Variants in CARM1 observed in about 807,000 individuals in gnomAD.
The protein encoded by CARM1 is histone-arginine methyltransferase CARM1.
Under a neutral mutation model 72.7 loss-of-function variants are expected in CARM1, and 14 were observed. That is an observed-to-expected ratio of 0.19 (90% CI 0.13 to 0.30). The LOEUF (loss-of-function observed/expected upper bound fraction) is 0.30. Ranked by LOEUF, CARM1 falls within the 10% of genes least tolerant of loss-of-function variation. The pLI is 1.00. For missense variants in CARM1, 432 were observed against 833.7 expected, an observed-to-expected ratio of 0.52 and a Z score of 5.93; for synonymous variants, 333 against 345.5, an observed-to-expected ratio of 0.96 and a Z score of 0.40.
chr19:10,902,290 C>CTTTTTT (rs869120010), intron 1 of CARM1, among the ~76,000 whole-genome samples: 2 of 114,782 alleles, frequency 1.7e-5, no homozygotes, highest in Non-Finnish European at 3.5e-5. Flanking sequence ...ATTGTTGTTT[C>CTTTTTT]TTTTTTTTTT....
At chr19:10,876,280 C>A (rs1025114141) in intron 1 of CARM1, among the ~76,000 whole-genome samples, 1 of 152,224 alleles carries the variant, frequency 6.6e-6, no homozygotes, top group Non-Finnish European at 1.5e-5. Context: ...CCTGCCTTGG[C>A]CTCCCAAAGT....
In CARM1 at chr19:10,920,656, C is replaced by A; in HGVS notation, c.1335-3C>A. 6.2e-7 allele frequency: 1 copy of A among 1,614,142 alleles called. No individual in the cohort carries two copies. Among genetic ancestry groups the A allele is most frequent in the Non-Finnish European group, 8.5e-7 (1 of 1,179,990 alleles). On this transcript the variant is annotated splice_region_variant and splice_polypyrimidine_tract_variant and intron_variant, in intron 11 of 15. Transcript: ENST00000327064. The surrounding 1 kb of genome is among the most constrained non-coding windows in gnomAD (Gnocchi z 5.3). ...CATGCCACGGCCTGCACCCTGTCCG[C>A]AGACAGAGCTACGACATCAGTATTG...
At position 10,916,994 on chromosome 19, in the gene CARM1, A is replaced by AG. The variant is rs1197429896; in HGVS notation, c.1020+222dup. Among the ~76,000 whole-genome samples, 2 of 152,184 alleles carry AG rather than the reference A, an allele frequency of 1.3e-5. No individual in the cohort carries two copies. Among genetic ancestry groups the AG allele is most frequent in the African/African-American group, 4.8e-5 (2 of 41,440 alleles). Reference sequence around the variant, plus strand: ...ACATTATTAGGTGAGGCTAAGGCAGAGGGGGCATTTAGGCTCAGGAGTTCA... The same window carrying AG: ...ACATTATTAGGTGAGGCTAAGGCAGAGGGGGGCATTTAGGCTCAGGAGTTCA... On this transcript the variant is annotated intron_variant, in intron 8 of 15. Transcript: ENST00000327064. The surrounding 1 kb of genome is among the most constrained non-coding windows in gnomAD (Gnocchi z 4.4).
chr19:10,883,703 G>A (rs1449693327), intron 1 of CARM1, among the ~76,000 whole-genome samples: 2 of 152,150 alleles, frequency 1.3e-5, no homozygotes, highest in Non-Finnish European at 2.9e-5. Context: ...ACAGGTATGC[G>A]CCACCACGGC....
chr19:10,876,020 C>T (rs1285810165), intron 1 of CARM1, among the ~76,000 whole-genome samples: 2 of 151,918 alleles, frequency 1.3e-5, no homozygotes, highest in Non-Finnish European at 2.9e-5. Context: ...GGATTAGAGG[C>T]ATGTGCCACC....
intron 5 of CARM1, among the ~76,000 whole-genome samples, chr19:10,913,493 GC>G: frequency 6.6e-6 from 1 of 151,924 alleles, no homozygotes; most frequent in African/African-American, 2.4e-5. Context: ...AGCCGAGATG[GC>G]GCCACTACCA....
At chr19:10,889,627 C>T (rs1340677191) in intron 1 of CARM1, among the ~76,000 whole-genome samples, 1 of 152,040 alleles carries the variant, frequency 6.6e-6, no homozygotes, top group Non-Finnish European at 1.5e-5. Flanking sequence ...CCATGCCTGG[C>T]CCAGAATTGT....
At chr19:10,903,943 A>G (rs1270989788) in intron 1 of CARM1, among the ~76,000 whole-genome samples, 1 of 151,846 alleles carries the variant, frequency 6.6e-6, no homozygotes, top group Non-Finnish European at 1.5e-5. Flanking sequence ...GGTTCAAGTG[A>G]TCCTCCTGCC....
At position 10,871,582 on chromosome 19, in the gene CARM1, T is replaced by TAGCGGCAGCGGCGGCGGCGGCGGCGGC. The variant is rs2073812808; in HGVS notation, c.-120_-94dup. The TAGCGGCAGCGGCGGCGGCGGCGGCGGC allele has an allele frequency of 1.1e-5, 1 of 88,366 alleles. No individual in the cohort carries two copies. The highest frequency in any genetic ancestry group is 4.7e-5 in the African/African-American group (1 of 21,214). 5.5% of individuals were successfully genotyped at this position (88,366 alleles called of 1,614,324 possible). On this transcript the variant is annotated 5_prime_UTR_variant, in exon 1 of 16. Coordinates refer to ENST00000327064, the MANE Select transcript of CARM1 (RefSeq NM_199141.2). This position sits in a 1 kb window ranked among gnomAD's most constrained non-coding sequence, Gnocchi z 5.6. Reference sequence around the variant, plus strand: ...GCCTGCACGGCGGCTGCGGCGGCGGTAGCGGCAGCGGCGGCGGCGGCGGCG... The same window carrying TAGCGGCAGCGGCGGCGGCGGCGGCGGC: ...GCCTGCACGGCGGCTGCGGCGGCGGTAGCGGCAGCGGCGGCGGCGGCGGCGGCAGCGGCAGCGGCGGCGGCGGCGGCG...
intron 3 of CARM1, 77 bp from the exon 4 acceptor site, chr19:10,909,026 C>A: frequency 8.9e-7 from 1 of 1,121,170 alleles, no homozygotes; most frequent in South Asian, 1.3e-5. Flanking sequence ...GCCCCTTGCT[C>A]TATCACAGGG....
intron 1 of CARM1, among the ~76,000 whole-genome samples, chr19:10,901,823 C>T (rs1029052069): frequency 1.3e-5 from 2 of 152,172 alleles, no homozygotes; most frequent in African/African-American, 2.4e-5. Context: ...TGTCTGTAAT[C>T]CCAGCTACTC....
At chr19:10,881,445 G>C (rs972810328) in intron 1 of CARM1, among the ~76,000 whole-genome samples, 10 of 152,296 alleles carry the variant, frequency 6.6e-5, no homozygotes, top group African/African-American at 2.2e-4. Context: ...GGCTCTCTGC[G>C]CAGGGCCAGG....
chr19:10,920,050 A>G lies in CARM1; in HGVS notation c.1196+84A>G. 4.8e-6 allele frequency: 5 copies of G among 1,049,594 alleles called. No homozygotes were observed. The highest frequency in any genetic ancestry group is 7.3e-6 in the Non-Finnish European group (5 of 683,458). 65.0% of individuals were successfully genotyped at this position (1,049,594 alleles called of 1,614,324 possible). ...TGCAACCTGGCTGGGGGGGTGGAACATGGCTCCAGGTTCCACCATCCCTTC... is the reference window on the plus strand; with the variant it reads ...TGCAACCTGGCTGGGGGGGTGGAACGTGGCTCCAGGTTCCACCATCCCTTC... On this transcript the variant is annotated intron_variant, in intron 10 of 15. Coordinates refer to ENST00000327064, the MANE Select transcript of CARM1 (RefSeq NM_199141.2). The surrounding 1 kb of genome is among the most constrained non-coding windows in gnomAD (Gnocchi z 5.3).
chr19:10,922,710 C>G lies in CARM1; in HGVS notation c.*953C>G, dbSNP rs996915413. 6.6e-6 allele frequency: 1 copy of G among 152,370 alleles called. No individual in the cohort carries two copies. The highest frequency in any genetic ancestry group is 2.4e-5 in the African/African-American group (1 of 41,406). The allele number at this position is 152,370 out of a possible 1,614,324, so 9.4% of individuals were successfully genotyped here. ...GCCCGGGAAGGGACCTTGCAGGGACCTCTCCCTCCAAAAAAAGAAAAAAAG... is the reference window on the plus strand; with the variant it reads ...GCCCGGGAAGGGACCTTGCAGGGACGTCTCCCTCCAAAAAAAGAAAAAAAG... On this transcript the variant is annotated 3_prime_UTR_variant, in exon 16 of 16. Transcript: ENST00000327064.
chr19:10,881,225 A>G (rs1210564842), intron 1 of CARM1, among the ~76,000 whole-genome samples: 25 of 152,218 alleles, frequency 1.6e-4, no homozygotes, highest in Non-Finnish European at 2.9e-5. Flanking sequence ...AAAGAAAAGA[A>G]AAGCTTTGCC....
At position 10,920,748 on chromosome 19, in the gene CARM1, G is replaced by T; in HGVS notation, c.1424G>T (p.Arg475Ile). 6.2e-7 allele frequency: 1 copy of T among 1,614,116 alleles called. No homozygotes were observed. Among genetic ancestry groups the T allele is most frequent in the Non-Finnish European group, 8.5e-7 (1 of 1,179,954 alleles). Reference protein sequence around the residue: ...NLLDLKNPFFRYTGTTPSPPP... With the variant: ...NLLDLKNPFFIYTGTTPSPPP... ...CTGGATCTGAAAAACCCCTTCTTTA[G>T]GTAGGAGGGGCCCCTTGCCTGCACA... Residue 475 changes from arginine (R) to isoleucine (I), a missense_variant and splice_region_variant, in exon 12 of 16, where the codon AGA becomes ATA. Arg to Ile is a moderately conservative substitution (Grantham distance 97). Around this residue, in one of 3 missense-constraint regions of CARM1, gnomAD observed 152 missense variants for 452.8 expected, o/e 0.34. Coordinates refer to ENST00000327064, the MANE Select transcript of CARM1 (RefSeq NM_199141.2). The surrounding 1 kb of genome is among the most constrained non-coding windows in gnomAD (Gnocchi z 5.3).
intron 1 of CARM1, among the ~76,000 whole-genome samples, chr19:10,903,967 G>C (rs1005626729): frequency 6.6e-6 from 1 of 152,188 alleles, no homozygotes; most frequent in African/African-American, 2.4e-5. Context: ...GCCTCCCAAA[G>C]TGCTGGGATT....
rs1390286680 is a variant in CARM1 at position 10,916,726 on chromosome 19, G to A, written c.969G>A (p.Leu323=). The change falls in exon 8 of 16, where the codon CTG becomes CTA. Residue 323 remains leucine (L), a synonymous_variant. Transcript: ENST00000327064. The surrounding 1 kb of genome is among the most constrained non-coding windows in gnomAD (Gnocchi z 4.4). ...AGCCATCTTTCCATGGAGTGGACCT[G>A]TCGGCCCTCCGAGGTGCCGCGGTGG... The part of the protein sequence containing the change: ...WYQPSFHGVD[L]SALRGAAVDE... 6.4e-7 allele frequency: 1 copy of A among 1,558,252 alleles called. No homozygotes were observed. Among genetic ancestry groups the A allele is most frequent in the Non-Finnish European group, 8.7e-7 (1 of 1,150,884 alleles).
Position 10,873,630 on chromosome 19 carries a change from T to G in CARM1, c.220+1708T>G, listed in dbSNP as rs942984359. On this transcript the variant is annotated intron_variant, in intron 1 of 15. Transcript: ENST00000327064. ...TTAGAACAATTTTAGTTTAGTTTTT[T>G]TTTTTTTTTTTTTTTTTTTTTTTTT... is the stretch of plus-strand genomic sequence containing the variant. 2.4e-3 allele frequency among the ~76,000 whole-genome samples: 260 copies of G among 110,190 alleles called. 1 individual carries two copies. The highest frequency in any genetic ancestry group is 4.1e-3 in the Non-Finnish European group (212 of 52,032). The allele number at this position is 110,190 out of a possible 152,430, so 72.3% of individuals were successfully genotyped here.
Sources: allele counts gnomAD v4.1 joint callset (sites outside exome capture counted in the v4.1 genomes callset), GRCh38; gene constraint gnomAD v4.1.1; regional missense constraint gnomAD v4.1.1; non-coding constraint Gnocchi (gnomAD v3.1); transcripts MANE v1.5; gene names NCBI Gene and HGNC (gene_info 2026-07-23, HGNC 2026-07-21).